The following TUBGCP3 variants were observed in gnomAD, a reference collection of about 807,000 sequenced individuals.
TUBGCP3 encodes the protein tubulin gamma complex component 3.
In TUBGCP3, 50 loss-of-function variants were observed where a neutral mutation model predicts 123.1. The ratio of observed to expected loss-of-function variants is 0.41; its 90% confidence interval spans 0.32 to 0.51. The LOEUF is 0.51. Ranked by LOEUF, TUBGCP3 falls within the 20% of genes least tolerant of loss-of-function variation. The pLI, the probability that TUBGCP3 is intolerant of heterozygous loss-of-function variation, is 0.36. For synonymous variants in TUBGCP3, 405 were observed against 413.9 expected, an observed-to-expected ratio of 0.98 and a Z score of 0.26; for missense variants, 882 against 1,127.0, an observed-to-expected ratio of 0.78 and a Z score of 3.11.
At chr13:112,486,195 C>T (rs745332712) in intron 21 of TUBGCP3, 44 bp from the exon 22 acceptor site, 1 of 1,608,078 alleles carries the variant, frequency 6.2e-7, no homozygotes, top group Non-Finnish European at 8.5e-7. Flanking sequence ...CAGAAAAGAA[C>T]AACCCACAAA....
intron 5 of TUBGCP3, among the ~76,000 whole-genome samples, chr13:112,556,904 C>T (rs1206028386): frequency 6.6e-6 from 1 of 152,162 alleles, no homozygotes; most frequent in East Asian, 1.9e-4. Context: ...ACAAAAATAT[C>T]ACTTCCTGGG....
intron 14 of TUBGCP3, 34 bp from the exon 15 acceptor site, chr13:112,520,055 T>C: frequency 6.3e-7 from 1 of 1,590,294 alleles, no homozygotes; most frequent in Non-Finnish European, 8.6e-7. Flanking sequence ...AAGAAAATAT[T>C]ACTTCAATTC....
intron 8 of TUBGCP3, among the ~76,000 whole-genome samples, chr13:112,551,411 T>C (rs577400160): frequency 1.3e-5 from 2 of 152,364 alleles, no homozygotes; most frequent in South Asian, 4.1e-4. Flanking sequence ...CCAAGGCTAA[T>C]TGTGGGCACT....
chr13:112,571,155 G>C (rs568245344), intron 1 of TUBGCP3, among the ~76,000 whole-genome samples: 1 of 152,280 alleles, frequency 6.6e-6, no homozygotes, highest in South Asian at 2.1e-4. Flanking sequence ...AATCACAAAT[G>C]ATCTTAATGG....
intron 7 of TUBGCP3, 147 bp downstream of exon 7, chr13:112,554,740 T>C (rs1452628066): frequency 1.8e-5 from 11 of 601,234 alleles, no homozygotes; most frequent in East Asian, 2.9e-5. Flanking sequence ...TGGACAGAAA[T>C]AGAAACCAGA....
chr13:112,515,003 C>T (rs1051328936), intron 17 of TUBGCP3, among the ~76,000 whole-genome samples: 22 of 152,030 alleles, frequency 1.4e-4, no homozygotes, highest in African/African-American at 5.3e-4. Context: ...GCAGAAGAAG[C>T]TGGAGTCAAA....
At chr13:112,534,535 A>C (rs1166029921) in intron 11 of TUBGCP3, among the ~76,000 whole-genome samples, 1 of 152,124 alleles carries the variant, frequency 6.6e-6, no homozygotes, top group African/African-American at 2.4e-5. Context: ...CGACAGAGGG[A>C]AACTCCGTCT....
At chr13:112,559,573 A>G (rs1172658914) in intron 3 of TUBGCP3, among the ~76,000 whole-genome samples, 174 bp from the exon 4 acceptor site, 1 of 152,232 alleles carries the variant, frequency 6.6e-6, no homozygotes, top group Non-Finnish European at 1.5e-5. Flanking sequence ...CGAAGGCGGA[A>G]GCAAATGTCC....
rs189048111 is a variant in TUBGCP3, at chr13:112,542,063, T to G, written c.1335+3636A>C. On this transcript the variant is annotated intron_variant, in intron 11 of 21. Transcript: ENST00000261965. ...AGTAACACACAGAACTTTTTATTTC[T>G]GGTGTACATGCTGGTCAAAGTATTT... 3.3e-5 allele frequency among the ~76,000 whole-genome samples: 5 copies of G among 152,334 alleles called. No homozygotes were observed. In the East Asian group the frequency reaches 9.6e-4, roughly 29 times the overall value.
chr13:112,500,287 T>C (rs1408272125), intron 19 of TUBGCP3, among the ~76,000 whole-genome samples: 4 of 152,216 alleles, frequency 2.6e-5, no homozygotes. Context: ...AGAACCCTCT[T>C]AGCTTGACAA....
At chr13:112,595,325 T>C in the TUBGCP3 span, among the ~76,000 whole-genome samples, 1 of 152,132 alleles carries the variant, frequency 6.6e-6, no homozygotes, top group Non-Finnish European at 1.5e-5. Flanking sequence ...GCCTCCCCAG[T>C]AGCTGGGACT....
At chr13:112,493,632 C>T (rs1400320886) in intron 20 of TUBGCP3, among the ~76,000 whole-genome samples, 1 of 146,712 alleles carries the variant, frequency 6.8e-6, no homozygotes, top group African/African-American at 2.6e-5. Flanking sequence ...GGAACAGGGC[C>T]TGGTGTCCCT....
chr13:112,583,359 A>G (rs1350335803), intron 1 of TUBGCP3, among the ~76,000 whole-genome samples: 1 of 152,186 alleles, frequency 6.6e-6, no homozygotes, highest in Non-Finnish European at 1.5e-5. Flanking sequence ...ACAAATAGAG[A>G]ACAAATTAAG....
At chr13:112,494,104 A>G (rs1347391971) in intron 20 of TUBGCP3, among the ~76,000 whole-genome samples, 5 of 129,620 alleles carry the variant, frequency 3.9e-5, no homozygotes, top group African/African-American at 8.9e-5. Context: ...TGCCTGAGAC[A>G]CTCTAGCTTT....
chr13:112,560,597 A>G (rs929323765), intron 3 of TUBGCP3, among the ~76,000 whole-genome samples: 1 of 152,260 alleles, frequency 6.6e-6, no homozygotes. Flanking sequence ...CTATTCAGAC[A>G]GCCTTACCTT....
the TUBGCP3 span, among the ~76,000 whole-genome samples, chr13:112,596,140 T>G: frequency 3.9e-5 from 6 of 152,366 alleles, no homozygotes; most frequent in Admixed American, 3.3e-4. Context: ...ATGGTGGTAC[T>G]GTCTGTGCCT....
upstream of TUBGCP3, among the ~76,000 whole-genome samples, chr13:112,593,075 G>A (rs2139359736): frequency 6.6e-6 from 1 of 152,330 alleles, no homozygotes; most frequent in South Asian, 2.1e-4. Context: ...CAGGAATCTA[G>A]AAAAGGAAAA....
At position 112,545,606 on chromosome 13, in the gene TUBGCP3, G is replaced by A; in HGVS notation, c.1335+93C>T. 1 of 1,449,884 alleles carries A rather than the reference G, an allele frequency of 6.9e-7. No homozygotes were observed. The allele number at this position is 1,449,884 out of a possible 1,614,324, so 89.8% of individuals were successfully genotyped here. ...AAGTGCAGTTGCATTCCTGTTAGGA[G>A]AACATGGTAATCATGAGGGGAAAAA... is the stretch of plus-strand genomic sequence containing the variant. On this transcript the variant is annotated intron_variant, in intron 11 of 21. Coordinates refer to ENST00000261965, the MANE Select transcript of TUBGCP3 (RefSeq NM_006322.6). The surrounding 1 kb of genome is among the most constrained non-coding windows in gnomAD (Gnocchi z 4.1).
At chr13:112,601,338 C>T in the TUBGCP3 span, among the ~76,000 whole-genome samples, 5 of 152,280 alleles carry the variant, frequency 3.3e-5, no homozygotes, top group African/African-American at 4.8e-5. Flanking sequence ...TAATAATGCA[C>T]TTGCCATGAA....
Sources: gnomAD v4.1 joint callset for allele counts (sites outside exome capture counted in the v4.1 genomes callset) on GRCh38, gnomAD v4.1.1 for gene constraint, Gnocchi (gnomAD v3.1) non-coding constraint, MANE v1.5 for transcripts, NCBI Gene and HGNC (gene_info 2026-07-23, HGNC 2026-07-21) for gene names.